CCBE1: variants seen among roughly 807,000 people sequenced by gnomAD.
CCBE1 encodes collagen and calcium binding EGF domains 1, also known as collagen and calcium-binding EGF domain-containing protein 1.
CCBE1 carries 37 observed loss-of-function variants against 50.0 expected under a neutral mutation model. The observed-to-expected ratio is 0.74, with a 90% CI of 0.57 to 0.97. The LOEUF (loss-of-function observed/expected upper bound fraction) is 0.97, where lower values mean the gene tolerates loss of function less well. Among genes scored for constraint, CCBE1 ranks in the 50% least tolerant of loss-of-function variants. The pLI is 0.00. For missense variants in CCBE1, 538 were observed against 523.8 expected, an observed-to-expected ratio of 1.03 and a Z score of -0.26; for synonymous variants, 234 against 203.7, an observed-to-expected ratio of 1.15 and a Z score of -1.27.
At chr18:59,562,660 C>G (rs912195336) in intron 2 of CCBE1, among the ~76,000 whole-genome samples, 1 of 152,230 alleles carries the variant, frequency 6.6e-6, no homozygotes, top group African/African-American at 2.4e-5. Flanking sequence ...CTTTTGTTAC[C>G]TGTTACTCCC....
At chr18:59,556,965 C>T (rs1228309997) in intron 2 of CCBE1, among the ~76,000 whole-genome samples, 1 of 128,764 alleles carries the variant, frequency 7.8e-6, no homozygotes. Context: ...TTAGTGCTGG[C>T]CACCAGGGGT....
chr18:59,521,162 A>G (rs961816021), intron 2 of CCBE1, among the ~76,000 whole-genome samples: 1 of 152,238 alleles, frequency 6.6e-6, no homozygotes, highest in Non-Finnish European at 1.5e-5. Context: ...TTAACAGTCG[A>G]GATGGCTATT....
intron 2 of CCBE1, among the ~76,000 whole-genome samples, chr18:59,625,443 A>T (rs2005275): frequency 2.5e-4 from 18 of 71,310 alleles, no homozygotes; most frequent in East Asian, 2.0e-3. Flanking sequence ...AAAAAAAAAA[A>T]AAAAAAAAAA....
intron 2 of CCBE1, among the ~76,000 whole-genome samples, chr18:59,621,003 A>G (rs1268470047): frequency 1.3e-5 from 2 of 152,214 alleles, no homozygotes; most frequent in Non-Finnish European, 2.9e-5. Flanking sequence ...GAGGAGTGAC[A>G]GAACACACAG....
rs548721903 is a variant in CCBE1 at position 59,609,411 on chromosome 18, C to T, written c.212+87218G>A. 5.9e-4 allele frequency among the ~76,000 whole-genome samples: 90 copies of T among 152,278 alleles called. 1 individual carries two copies. Among genetic ancestry groups the T allele is most frequent in the Admixed American group, 1.6e-3 (24 of 15,304 alleles). ...TTATCTTAACATCCACCCTCATCAC[C>T]ATTAGAACAGCTCCTTCCTAGGTTT... On this transcript the variant is annotated intron_variant, in intron 2 of 10. Transcript: ENST00000439986.
chr18:59,453,958 A>G (rs1430346676), intron 6 of CCBE1, among the ~76,000 whole-genome samples: 1 of 152,170 alleles, frequency 6.6e-6, no homozygotes, highest in Non-Finnish European at 1.5e-5. Flanking sequence ...ACCGTCAGGC[A>G]TTCGGACAGC....
At chr18:59,559,915 A>G (rs1355781851) in intron 2 of CCBE1, among the ~76,000 whole-genome samples, 2 of 152,192 alleles carry the variant, frequency 1.3e-5, no homozygotes, top group Non-Finnish European at 2.9e-5. Context: ...TGGACAATGC[A>G]ACCGGGACAG....
At chr18:59,509,181 G>T (rs754865540) in intron 2 of CCBE1, among the ~76,000 whole-genome samples, 5 of 152,100 alleles carry the variant, frequency 3.3e-5, no homozygotes, top group Non-Finnish European at 7.4e-5. Flanking sequence ...CTGAGAAACT[G>T]GCCACAGAAG....
intron 3 of CCBE1, among the ~76,000 whole-genome samples, chr18:59,476,925 C>CA (rs1912333782): frequency 6.6e-6 from 1 of 152,186 alleles, no homozygotes; most frequent in Non-Finnish European, 1.5e-5. Flanking sequence ...GTGGGAGTGG[C>CA]ACCACTCACT....
At chr18:59,690,803 C>T (rs180898086) in intron 2 of CCBE1, among the ~76,000 whole-genome samples, 39 of 152,304 alleles carry the variant, frequency 2.6e-4, no homozygotes, top group African/African-American at 9.1e-4. Context: ...TGTGGGAAGG[C>T]GGGGGACCCC....
intron 2 of CCBE1, among the ~76,000 whole-genome samples, chr18:59,644,530 CACTT>C (rs2054030341): frequency 6.6e-6 from 1 of 152,238 alleles, no homozygotes; most frequent in Non-Finnish European, 1.5e-5. Context: ...TTTCCAGTCA[CACTT>C]ACCATTACTT....
At chr18:59,505,169 G>A (rs747823681) in intron 2 of CCBE1, among the ~76,000 whole-genome samples, 5 of 152,150 alleles carry the variant, frequency 3.3e-5, no homozygotes, top group Non-Finnish European at 7.3e-5. Flanking sequence ...GGGGTGGAGG[G>A]AGGAGTGGAA....
In CCBE1 at chr18:59,436,124, G is replaced by T; in HGVS notation, c.1005C>A (p.Phe335Leu). 1 of 1,614,160 alleles carries T rather than the reference G, an allele frequency of 6.2e-7. No individual in the cohort carries two copies. The highest frequency in any genetic ancestry group is 8.5e-7 in the Non-Finnish European group (1 of 1,180,020). ...PRGSPGPPGS[F>L]DFLLLMLADI... ...CAGCCAGCATAAGTAGCAGGAAGTC[G>T]AAAGAACCAGGGGGTCCCTGTGTAC... Residue 335 changes from phenylalanine to leucine, a missense_variant, in exon 11 of 11, where the codon TTC becomes TTA. Phe to Leu is a conservative substitution (Grantham distance 22). Coordinates refer to ENST00000439986, the MANE Select transcript of CCBE1 (RefSeq NM_133459.4).
At chr18:59,570,933 T>C (rs7230448) in intron 2 of CCBE1, among the ~76,000 whole-genome samples, 55,182 of 152,008 alleles carry the variant, frequency 0.36, 10,398 homozygotes, top group East Asian at 0.64. Flanking sequence ...GCCTGAATCC[T>C]ACAAAGCTGG....
chr18:59,430,947 A>G lies in CCBE1; in HGVS notation c.*4961T>C, dbSNP rs1036008620. 1 of 152,250 alleles carries G rather than the reference A, an allele frequency of 6.6e-6. No homozygotes were observed. Among genetic ancestry groups the G allele is most frequent in the Non-Finnish European group, 1.5e-5 (1 of 68,040 alleles). The allele number at this position is 152,250 out of a possible 1,614,324, so 9.4% of individuals were successfully genotyped here. ...AACACAGTAGAGCAATGTAAGAAAA[A>G]TAACTTTGTTATTAAGCATATACAA... On this transcript the variant is annotated 3_prime_UTR_variant, in exon 11 of 11. Coordinates refer to ENST00000439986, the MANE Select transcript of CCBE1 (RefSeq NM_133459.4).
chr18:59,521,823 CA>C (rs372964226), intron 2 of CCBE1, among the ~76,000 whole-genome samples: 156 of 152,102 alleles, frequency 1.0e-3, no homozygotes, highest in African/African-American at 3.6e-3. Flanking sequence ...TGGACATCGA[CA>C]AAAAAGTTTA....
intron 2 of CCBE1, among the ~76,000 whole-genome samples, chr18:59,562,169 C>A (rs79234045): frequency 1.7e-4 from 26 of 151,956 alleles, no homozygotes; most frequent in African/African-American, 6.0e-4. Context: ...AAATCCATTA[C>A]CTCCCTTAGT....
At chr18:59,643,081 G>A (rs946492589) in intron 2 of CCBE1, among the ~76,000 whole-genome samples, 2 of 152,126 alleles carry the variant, frequency 1.3e-5, no homozygotes, top group African/African-American at 4.8e-5. Flanking sequence ...TGGCTGAGTG[G>A]ATGGTACCAG....
At chr18:59,501,673 T>C (rs1026923445) in intron 2 of CCBE1, among the ~76,000 whole-genome samples, 1 of 152,188 alleles carries the variant, frequency 6.6e-6, no homozygotes, top group Non-Finnish European at 1.5e-5. Flanking sequence ...CTCAGGATAT[T>C]TTAGGAAAAC....
Sources: gnomAD v4.1 joint callset for allele counts (sites outside exome capture counted in the v4.1 genomes callset) on GRCh38, gnomAD v4.1.1 for gene constraint, MANE v1.5 for transcripts, NCBI Gene and HGNC (gene_info 2026-07-23, HGNC 2026-07-21) for gene names.